The following LRMDA variants were observed in gnomAD, a reference collection of about 807,000 sequenced individuals.
The protein encoded by LRMDA is leucine-rich melanocyte differentiation-associated protein.
A neutral mutation model predicts 29.8 loss-of-function variants in LRMDA; 18 were observed. The ratio of observed to expected loss-of-function variants is 0.60; its 90% CI spans 0.42 to 0.90. The LOEUF is 0.90. Among genes scored for constraint, LRMDA ranks in the 40% least tolerant of loss-of-function variants. LRMDA has a pLI of 0.00. For missense variants in LRMDA, 273 were observed against 273.9 expected (o/e 1.00, Z 0.02); for synonymous variants, 125 against 109.4 (o/e 1.14, Z -0.89).
chr10:76,391,437 A>T (rs1873462), intron 6 of LRMDA, among the ~76,000 whole-genome samples: 114,723 of 152,070 alleles, frequency 0.75, 46,233 homozygotes, highest in Non-Finnish European at 0.93. Flanking sequence ...AGTAAAGATA[A>T]CCTACTATGT....
At chr10:75,775,726 GTCT>G (rs1221030485) in intron 2 of LRMDA, among the ~76,000 whole-genome samples, 2 of 152,236 alleles carry the variant, frequency 1.3e-5, no homozygotes, top group Non-Finnish European at 2.9e-5. Context: ...CCACAGAGCA[GTCT>G]TCTTGTTCCC....
chr10:76,043,053 C>G (rs867182283), intron 3 of LRMDA, among the ~76,000 whole-genome samples: 1 of 151,832 alleles, frequency 6.6e-6, no homozygotes, highest in Non-Finnish European at 1.5e-5. Context: ...ACCCAGGAGG[C>G]AGAGGTTGCA....
chr10:76,147,682 A>G (rs1258715660), intron 5 of LRMDA, among the ~76,000 whole-genome samples: 2 of 151,704 alleles, frequency 1.3e-5, no homozygotes, highest in East Asian at 1.9e-4. Flanking sequence ...TCTTCTCTCA[A>G]CTCGTCAAAG....
chr10:76,113,475 G>A (rs1430954859), intron 5 of LRMDA, among the ~76,000 whole-genome samples: 1 of 152,000 alleles, frequency 6.6e-6, no homozygotes, highest in East Asian at 1.9e-4. Flanking sequence ...GATGAGGGGG[G>A]AAAAAACCAA....
At chr10:75,727,909 A>G (rs916078957) in intron 2 of LRMDA, among the ~76,000 whole-genome samples, 1 of 152,204 alleles carries the variant, frequency 6.6e-6, no homozygotes, top group African/African-American at 2.4e-5. Context: ...ATTTTGGGGA[A>G]TCATCTGACT....
intron 5 of LRMDA, among the ~76,000 whole-genome samples, chr10:76,140,679 G>GTACA (rs1376139006): frequency 1.3e-5 from 2 of 152,000 alleles, no homozygotes; most frequent in Non-Finnish European, 2.9e-5. Context: ...CTCTCCCCAA[G>GTACA]TACAGGGTGG....
intron 2 of LRMDA, among the ~76,000 whole-genome samples, chr10:75,799,087 C>T (rs1485562103): frequency 6.6e-6 from 1 of 152,124 alleles, no homozygotes; most frequent in African/African-American, 2.4e-5. Context: ...AGTATCTGTA[C>T]TGGATTTTGT....
In LRMDA at chr10:75,459,169, A is replaced by T. The variant is rs531877264; in HGVS notation, c.131+20675A>T. Reference sequence around the variant, plus strand: ...TTAACTAGTCAGATTGGCTAGGTGCAGTAGTTCATGCCTGTAATTCCAGTA... The same window carrying T: ...TTAACTAGTCAGATTGGCTAGGTGCTGTAGTTCATGCCTGTAATTCCAGTA... On this transcript the variant is annotated intron_variant, in intron 2 of 6. Transcript: ENST00000611255. Among the ~76,000 whole-genome samples, 8 of 152,310 alleles carry T rather than the reference A, an allele frequency of 5.3e-5. No homozygotes were observed. In the East Asian group the frequency reaches 1.5e-3, roughly 29 times the overall value.
At chr10:76,157,607 C>T (rs1411167741) in intron 5 of LRMDA, among the ~76,000 whole-genome samples, 1 of 151,818 alleles carries the variant, frequency 6.6e-6, no homozygotes, top group African/African-American at 2.4e-5. Flanking sequence ...GAGTGAAATA[C>T]TGTCTCTTAA....
intron 2 of LRMDA, among the ~76,000 whole-genome samples, chr10:75,583,195 A>G (rs772100630): frequency 2.6e-5 from 4 of 152,190 alleles, no homozygotes; most frequent in Non-Finnish European, 5.9e-5. Flanking sequence ...ATTTTCAGGT[A>G]TCTTTATGGC....
intron 2 of LRMDA, among the ~76,000 whole-genome samples, chr10:75,559,406 G>C (rs1317587314): frequency 6.6e-6 from 1 of 151,606 alleles, no homozygotes; most frequent in Non-Finnish European, 1.5e-5. Flanking sequence ...AAATTTGTTT[G>C]AGTTCATTGT....
At chr10:76,361,107 A>G (rs1292139308) in intron 6 of LRMDA, among the ~76,000 whole-genome samples, 1 of 152,054 alleles carries the variant, frequency 6.6e-6, no homozygotes, top group Non-Finnish European at 1.5e-5. Flanking sequence ...CTGAAAATAT[A>G]AAAATTAGTT....
chr10:76,554,179 C>T (rs140530106), intron 6 of LRMDA, among the ~76,000 whole-genome samples: 36 of 152,296 alleles, frequency 2.4e-4, no homozygotes, highest in Non-Finnish European at 4.6e-4. Flanking sequence ...CAGGCAGAGA[C>T]GACCCCAAGT....
At chr10:75,899,143 G>A (rs1411995690) in intron 2 of LRMDA, among the ~76,000 whole-genome samples, 1 of 152,192 alleles carries the variant, frequency 6.6e-6, no homozygotes, top group Non-Finnish European at 1.5e-5. Context: ...ATGCAGAGAA[G>A]ACTATTGAAG....
intron 2 of LRMDA, among the ~76,000 whole-genome samples, chr10:75,554,968 G>A (rs934523716): frequency 6.6e-6 from 1 of 152,162 alleles, no homozygotes; most frequent in African/African-American, 2.4e-5. Flanking sequence ...GGGTGGAGTG[G>A]ATTCTTGTTC....
At chr10:76,147,174 C>T (rs1589349781) in intron 5 of LRMDA, among the ~76,000 whole-genome samples, 2 of 152,084 alleles carry the variant, frequency 1.3e-5, no homozygotes, top group African/African-American at 4.8e-5. Flanking sequence ...TGGAGTTGCT[C>T]CTCTTGAGGA....
At chr10:75,924,987 T>C (rs901732048) in intron 2 of LRMDA, among the ~76,000 whole-genome samples, 1 of 152,188 alleles carries the variant, frequency 6.6e-6, no homozygotes, top group African/African-American at 2.4e-5. Context: ...TTCTTACAAG[T>C]GCACCTCGGG....
intron 2 of LRMDA, among the ~76,000 whole-genome samples, chr10:75,692,488 CATATAT>C (rs1842180311): frequency 6.7e-6 from 1 of 149,100 alleles, no homozygotes. Flanking sequence ...CACACGTATA[CATATAT>C]GTATATATGT....
intron 5 of LRMDA, among the ~76,000 whole-genome samples, chr10:76,177,748 A>G (rs1850967657): frequency 6.6e-6 from 1 of 152,244 alleles, no homozygotes; most frequent in Admixed American, 6.5e-5. Context: ...GCCTACATCA[A>G]TGAGGATTGA....
Sources: gnomAD v4.1 joint callset for allele counts (sites outside exome capture counted in the v4.1 genomes callset) on GRCh38, gnomAD v4.1.1 for gene constraint, MANE v1.5 for transcripts, NCBI Gene and HGNC (gene_info 2026-07-23, HGNC 2026-07-21) for gene names.